YIF1A: variants seen among roughly 807,000 people sequenced by gnomAD.
The protein encoded by YIF1A is protein YIF1A.
In YIF1A, 28 loss-of-function variants were observed where a neutral mutation model predicts 32.6. The ratio of observed to expected loss-of-function variants is 0.86; its 90% confidence interval spans 0.64 to 1.18. The LOEUF is 1.18. Ranked by LOEUF, YIF1A falls within the 50% of genes most tolerant of loss-of-function variation. YIF1A has a pLI of 0.00. For missense variants in YIF1A, 373 were observed against 390.8 expected (o/e 0.95, Z 0.38); for synonymous variants, 175 against 162.2 (o/e 1.08, Z -0.60).
At position 66,285,358 on chromosome 11, in the gene YIF1A, C is replaced by A. The variant is rs372863895; in HGVS notation, c.641+23G>T. The A allele has an allele frequency of 1.1e-4, 182 of 1,603,984 alleles. No individual in the cohort carries two copies. The highest frequency in any genetic ancestry group is 1.5e-4 in the Non-Finnish European group (177 of 1,173,588). On this transcript the variant is annotated intron_variant, in intron 6 of 7. Coordinates refer to ENST00000376901, the MANE Select transcript of YIF1A (RefSeq NM_020470.3). ...TGCAGGCCCAGATCCAAGGCCACCT[C>A]CCCCTGGCCCACAAGTGCTCACCCC... is the stretch of plus-strand genomic sequence containing the variant.
chr11:66,287,775 G>C (rs375178710), intron 3 of YIF1A, 37 bp downstream of exon 3: 55 of 1,611,914 alleles, frequency 3.4e-5, no homozygotes, highest in Non-Finnish European at 4.2e-5. Context: ...CGGGCAGAAT[G>C]AGGAAGGCCC....
chr11:66,288,056 C>T (rs763505539), intron 2 of YIF1A, 25 bp downstream of exon 2: 27 of 1,611,212 alleles, frequency 1.7e-5, no homozygotes, highest in Non-Finnish European at 1.8e-5. Context: ...AATTCTGCCA[C>T]CCGTGCCCCG....
chr11:66,284,828 G>A (rs1398828450), intron 7 of YIF1A, 45 bp from the exon 8 acceptor site: 1 of 1,612,296 alleles, frequency 6.2e-7, no homozygotes, highest in Non-Finnish European at 8.5e-7. Context: ...GGGGAGGTTT[G>A]CCCTCAAGTG....
At chr11:66,284,830 C>G in intron 7 of YIF1A, 43 bp downstream of exon 7, 1 of 1,612,352 alleles carries the variant, frequency 6.2e-7, no homozygotes, top group South Asian at 1.1e-5. Flanking sequence ...GGAGGTTTGC[C>G]CTCAAGTGAA....
intron 4 of YIF1A, 120 bp downstream of exon 4, chr11:66,287,478 C>T: frequency 1.6e-6 from 2 of 1,232,880 alleles, no homozygotes; most frequent in South Asian, 1.3e-5. Flanking sequence ...CACACATACA[C>T]AAAGCACCAA....
chr11:66,285,850 C>T, intron 4 of YIF1A, 92 bp from the exon 5 acceptor site: 4 of 1,418,844 alleles, frequency 2.8e-6, no homozygotes, highest in Non-Finnish European at 1.9e-6. Flanking sequence ...TCCCATACTT[C>T]CTTCTCTGAA....
intron 2 of YIF1A, 43 bp from the exon 3 acceptor site, chr11:66,287,959 G>T: frequency 6.2e-7 from 1 of 1,606,650 alleles, no homozygotes; most frequent in Non-Finnish European, 8.5e-7. Context: ...CGCACCCCAG[G>T]CCTCAGGGTG....
In YIF1A at chr11:66,288,382, G is replaced by T. The variant is rs530405286; in HGVS notation, c.32-90C>A. On this transcript the variant is annotated intron_variant, in intron 1 of 7. Transcript: ENST00000376901. The stretch of plus-strand genomic sequence containing the variant: ...CTTCCCTGGCTGGACAGCCCTGCAC[G>T]GGTCCTGGAGGCACCGATCAGTGAG... 4,502 of 1,492,138 alleles carry T rather than the reference G, an allele frequency of 3.0e-3. 14 individuals are homozygous for T. The highest frequency in any genetic ancestry group is 3.7e-3 in the Non-Finnish European group (4,000 of 1,083,644). 92.4% of individuals were successfully genotyped at this position (1,492,138 alleles called of 1,614,324 possible). A position where few individuals can be genotyped will look rare whatever the true frequency, so the allele number is the denominator to read the frequency against.
chr11:66,285,824 C>T, intron 4 of YIF1A, 66 bp from the exon 5 acceptor site: 4 of 1,554,758 alleles, frequency 2.6e-6, no homozygotes, highest in Non-Finnish European at 2.6e-6. Context: ...ACTAGGCATT[C>T]GGGTTCACCG....
rs1450841610 is a variant in YIF1A at position 66,285,690 on chromosome 11, T to C, written c.485+11A>G. The C allele has an allele frequency of 1.9e-6, 3 of 1,613,334 alleles. No individual in the cohort carries two copies. Among genetic ancestry groups the C allele is most frequent in the South Asian group, 2.2e-5 (2 of 91,070 alleles). ...AGGGAGGGGAGGGTAAGGGAGGGGC[T>C]TGGCACTGACCTTTTCTGAATGCCC... On this transcript the variant is annotated intron_variant, in intron 5 of 7. Transcript: ENST00000376901.
In YIF1A at chr11:66,289,007, C is replaced by T. The variant is rs930704258; in HGVS notation, c.-22G>A. ...CCATGGCCGCGACGCTCGCTGTCCCCGAGGGCCCGCTGCGCCGCCTCGTGG... is the reference window on the plus strand; with the variant it reads ...CCATGGCCGCGACGCTCGCTGTCCCTGAGGGCCCGCTGCGCCGCCTCGTGG... On this transcript the variant is annotated 5_prime_UTR_variant, in exon 1 of 8. Coordinates refer to ENST00000376901, the MANE Select transcript of YIF1A (RefSeq NM_020470.3). 5 of 1,576,626 alleles carry T rather than the reference C, an allele frequency of 3.2e-6. No individual in the cohort carries two copies. The highest frequency in any genetic ancestry group is 4.3e-6 in the Non-Finnish European group (5 of 1,169,614).
Position 66,289,021 on chromosome 11 carries a change from G to T in YIF1A, c.-36C>A. ...CTCGCTGTCCCCGAGGGCCCGCTGCGCCGCCTCGTGGGTACGAATACTAAT... is the reference window on the plus strand; with the variant it reads ...CTCGCTGTCCCCGAGGGCCCGCTGCTCCGCCTCGTGGGTACGAATACTAAT... On this transcript the variant is annotated 5_prime_UTR_variant, in exon 1 of 8. Coordinates refer to ENST00000376901, the MANE Select transcript of YIF1A (RefSeq NM_020470.3). 6.4e-7 allele frequency: 1 copy of T among 1,570,094 alleles called. No individual in the cohort carries two copies.
intron 6 of YIF1A, 126 bp downstream of exon 6, chr11:66,285,255 G>A (rs1857335993): frequency 1.4e-6 from 2 of 1,387,008 alleles, no homozygotes; most frequent in Non-Finnish European, 2.0e-6. Context: ...GGAGACAGCT[G>A]CTCCCTCTTA....
Position 66,289,125 on chromosome 11 carries a change from C to T in YIF1A, c.-140G>A. ...ACGTCCCCCACCCCGCCGGTCTCGG[C>T]CACCATGTCCGTGGCGTCATCCCCC... On this transcript the variant is annotated 5_prime_UTR_variant, in exon 1 of 8. Coordinates refer to ENST00000376901, the MANE Select transcript of YIF1A (RefSeq NM_020470.3). 1 of 1,275,748 alleles carries T rather than the reference C, an allele frequency of 7.8e-7. No individual in the cohort carries two copies. The highest frequency in any genetic ancestry group is 1.0e-6 in the Non-Finnish European group (1 of 979,346). 79.0% of individuals were successfully genotyped at this position (1,275,748 alleles called of 1,614,324 possible).
chr11:66,287,825 G>A lies in YIF1A; in HGVS notation c.335C>T (p.Pro112Leu), dbSNP rs989763212. Residue 112 changes from proline (P) to leucine (L), a missense_variant, in exon 3 of 8, where the codon CCC (proline) becomes CTC (leucine). By Grantham distance (98) the Pro-to-Leu change is moderately conservative. Coordinates refer to ENST00000376901, the MANE Select transcript of YIF1A (RefSeq NM_020470.3). Reference protein sequence around the residue: ...VAKKLGLLVFPYTHQNWEVQY... With the variant: ...VAKKLGLLVFLYTHQNWEVQY... ...TAGGAAGCTCACCTGGTGTGTGTAG[G>A]GGAAGACCAGCAGCCCTAGCTTCTT... 1 of 1,613,944 alleles carries A rather than the reference G, an allele frequency of 6.2e-7. No individual in the cohort carries two copies. Among genetic ancestry groups the A allele is most frequent in the Non-Finnish European group, 8.5e-7 (1 of 1,180,002 alleles).
In YIF1A at chr11:66,285,758, G is replaced by A. The variant is rs775784131; in HGVS notation, c.428C>T (p.Thr143Met). Residue 143 changes from threonine (T) to methionine (M), a missense_variant and splice_region_variant, in exon 5 of 8, where the codon ACG becomes ATG. Thr to Met is a moderately conservative substitution (Grantham distance 81, BLOSUM62 -1). Transcript: ENST00000376901. ...GAGCACGTAAGTAATGAAGGCCATC[G>A]CTGCCAAGTGCCAGAGAGATGCCAT... ...DLNAPDLYIPTMAFITYVLLA... is the reference protein window; with the variant it reads ...DLNAPDLYIPMMAFITYVLLA... The A allele has an allele frequency of 2.6e-5, 42 of 1,612,564 alleles. No homozygotes were observed. The highest frequency in any genetic ancestry group is 8.9e-5 in the East Asian group (4 of 44,882).
In YIF1A at chr11:66,287,961, C is replaced by T. The variant is rs758912726; in HGVS notation, c.244-45G>A. On this transcript the variant is annotated intron_variant, in intron 2 of 7. Transcript: ENST00000376901. ...GCTGTGGGCAAGCCGCACCCCAGGC[C>T]TCAGGGTGCCCCTCTGTGTGCTCCA... The T allele has an allele frequency of 4.4e-6, 7 of 1,608,438 alleles. No homozygotes were observed. The African/African-American group carries it at 8.0e-5, about 18-fold the overall frequency.
At position 66,288,264 on chromosome 11, in the gene YIF1A, CG is replaced by C; in HGVS notation, c.59del (p.Pro20ArgfsTer69). On this transcript the variant is annotated frameshift_variant, in exon 2 of 8. Transcript: ENST00000376901. LOFTEE classifies it high-confidence loss of function. Reference sequence around the variant, plus strand: ...TGTCATCGAAGAGGGGAGGGGGATCCGGGGCTGCCCGGGCCCTGTGCTTGGA... The same window carrying C: ...TGTCATCGAAGAGGGGAGGGGGATCCGGGCTGCCCGGGCCCTGTGCTTGGA... ...HGSKHRARAA[P>X]DPPPLFDDTS... The C allele has an allele frequency of 6.2e-7, 1 of 1,614,046 alleles. No homozygotes were observed. The highest frequency in any genetic ancestry group is 8.5e-7 in the Non-Finnish European group (1 of 1,180,032).
In YIF1A at chr11:66,284,773, A is replaced by C. The variant is rs762947197; in HGVS notation, c.746T>G (p.Leu249Trp). The C allele has an allele frequency of 2.5e-5, 40 of 1,611,586 alleles. No individual in the cohort carries two copies. Among genetic ancestry groups the C allele is most frequent in the Non-Finnish European group, 3.1e-5 (36 of 1,179,388 alleles). ...SALMYFIVRS[L>W]RTAALGPDSM... The stretch of plus-strand genomic sequence containing the variant: ...GTCGGGGCCCAGGGCTGCTGTCCGC[A>C]AAGAGCGCACCTGGAAGAAAGGAGA... Residue 249 changes from leucine (L) to tryptophan (W), a missense_variant, in exon 8 of 8, where the codon TTG (leucine) becomes TGG (tryptophan). Transcript: ENST00000376901.
Sources: allele counts gnomAD v4.1 joint callset, GRCh38; gene constraint gnomAD v4.1.1; transcripts MANE v1.5; gene names NCBI Gene and HGNC (gene_info 2026-07-23, HGNC 2026-07-21).